The following ABHD2 variants were observed in gnomAD, a reference collection of about 807,000 sequenced individuals.
ABHD2 encodes monoacylglycerol lipase ABHD2.
A neutral mutation model predicts 48.1 loss-of-function variants in ABHD2; 20 were observed. That is an observed-to-expected ratio of 0.42 (90% CI 0.29 to 0.60). The LOEUF (loss-of-function observed/expected upper bound fraction) is 0.60. Ranked by LOEUF, ABHD2 falls within the 20% of genes least tolerant of loss-of-function variation. The pLI is 0.24. For synonymous variants in ABHD2, 209 were observed against 214.2 expected, an observed-to-expected ratio of 0.98 and a Z score of 0.21; for missense variants, 405 against 550.9, an observed-to-expected ratio of 0.74 and a Z score of 2.65.
the ABHD2 span, among the ~76,000 whole-genome samples, chr15:89,070,353 G>C: frequency 6.6e-6 from 1 of 152,192 alleles, no homozygotes; most frequent in Non-Finnish European, 1.5e-5. Flanking sequence ...CACTCCTAGA[G>C]GGGCAACAGA....
At position 89,182,357 on chromosome 15, in the gene ABHD2, C is replaced by T. The variant is rs933250238; in HGVS notation, c.723-3067C>T. Among the ~76,000 whole-genome samples the T allele has an allele frequency of 6.6e-6, 1 of 152,196 alleles. No individual in the cohort carries two copies. Among genetic ancestry groups the T allele is most frequent in the Non-Finnish European group, 1.5e-5 (1 of 68,032 alleles). ...GTAATTCTGCCCGAGCTGCCCCTCC[C>T]AGGGTTCCACACTTCTCTCCTGTGT... On this transcript the variant is annotated intron_variant, in intron 6 of 10. Transcript: ENST00000352732. The surrounding 1 kb of genome is among the most constrained non-coding windows in gnomAD (Gnocchi z 4.8).
chr15:89,115,938 T>A (rs2049952948), intron 2 of ABHD2, among the ~76,000 whole-genome samples: 1 of 152,144 alleles, frequency 6.6e-6, no homozygotes, highest in Non-Finnish European at 1.5e-5. Context: ...AAGGATGACC[T>A]GTTAACAAAA....
rs1034396541 is a variant in ABHD2 at position 89,168,806 on chromosome 15, T to G, written c.539-7006T>G. 5.9e-5 allele frequency among the ~76,000 whole-genome samples: 9 copies of G among 152,288 alleles called. No individual in the cohort carries two copies. The highest frequency in any genetic ancestry group is 1.3e-4 in the Non-Finnish European group (9 of 68,030). On this transcript the variant is annotated intron_variant, in intron 5 of 10. Coordinates refer to ENST00000352732, the MANE Select transcript of ABHD2 (RefSeq NM_152924.5). This position sits in a 1 kb window ranked among gnomAD's most constrained non-coding sequence, Gnocchi z 4.8. ...AGGAATCAAAGCTGGGTGCAGTGGC[T>G]CACACCTGTAATCTCAGCACTTTGG... is the stretch of plus-strand genomic sequence containing the variant.
the ABHD2 span, among the ~76,000 whole-genome samples, chr15:89,077,264 A>G: frequency 6.6e-6 from 1 of 152,192 alleles, no homozygotes; most frequent in Admixed American, 6.5e-5. Flanking sequence ...TTCTTGGATG[A>G]CTGGCTTCTT....
At chr15:89,062,352 GT>G in the ABHD2 span, among the ~76,000 whole-genome samples, 1 of 151,612 alleles carries the variant, frequency 6.6e-6, no homozygotes, top group Non-Finnish European at 1.5e-5. Context: ...ATTTTCGTTT[GT>G]TTTTGTGTGG....
At position 89,137,325 on chromosome 15, in the gene ABHD2, G is replaced by A. The variant is rs549901765; in HGVS notation, c.195-14352G>A. 1.9e-4 allele frequency among the ~76,000 whole-genome samples: 29 copies of A among 152,306 alleles called. No homozygotes were observed. In the South Asian group the frequency reaches 5.8e-3, roughly 30 times the overall value. On this transcript the variant is annotated intron_variant, in intron 3 of 10. Transcript: ENST00000352732. This position sits in a 1 kb window ranked among gnomAD's most constrained non-coding sequence, Gnocchi z 4.8. ...TGGGATCAGATGCATTTAACATGTG[G>A]ATACAGTTCTGAGGGGTTTTAACTG...
chr15:89,151,915 A>G lies in ABHD2; in HGVS notation c.370+63A>G. On this transcript the variant is annotated intron_variant, in intron 4 of 10. Coordinates refer to ENST00000352732, the MANE Select transcript of ABHD2 (RefSeq NM_152924.5). This position sits in a 1 kb window ranked among gnomAD's most constrained non-coding sequence, Gnocchi z 4.7. Reference sequence around the variant, plus strand: ...AGAGAAGGAGCACTAGTCAGTGGAGAGCACAGCAGTGTGAATACTTGTGCC... The same window carrying G: ...AGAGAAGGAGCACTAGTCAGTGGAGGGCACAGCAGTGTGAATACTTGTGCC... The G allele has an allele frequency of 1.3e-6, 2 of 1,564,206 alleles. No individual in the cohort carries two copies. Among genetic ancestry groups the G allele is most frequent in the Non-Finnish European group, 1.7e-6 (2 of 1,152,016 alleles).
chr15:89,135,464 G>T (rs2050292741), intron 3 of ABHD2: 1 of 743,188 alleles, frequency 1.3e-6, no homozygotes, highest in East Asian at 2.5e-5. Context: ...TTACATTTCA[G>T]TTTTTTTCTT....
chr15:89,108,134 T>C (rs1050823531), intron 1 of ABHD2, among the ~76,000 whole-genome samples: 1 of 152,208 alleles, frequency 6.6e-6, no homozygotes, highest in Non-Finnish European at 1.5e-5. Flanking sequence ...CTTCAGCCAC[T>C]AAGGACAGGA....
chr15:89,047,785 G>C, the ABHD2 span, among the ~76,000 whole-genome samples: 1 of 147,520 alleles, frequency 6.8e-6, no homozygotes, highest in East Asian at 1.9e-4. Flanking sequence ...TTGAGCCTAT[G>C]TGTGTCTCTG....
At chr15:89,193,553 C>A in intron 10 of ABHD2, 1 of 558,896 alleles carries the variant, frequency 1.8e-6, no homozygotes, top group Non-Finnish European at 3.2e-6. Context: ...CCATGTATAT[C>A]CATAGCCAGT....
At chr15:89,101,982 C>A (rs1030876528) in intron 1 of ABHD2, among the ~76,000 whole-genome samples, 3 of 152,184 alleles carry the variant, frequency 2.0e-5, no homozygotes, top group African/African-American at 4.8e-5. Flanking sequence ...TGCGCACAGC[C>A]AAGGCAGCAC....
intron 3 of ABHD2, among the ~76,000 whole-genome samples, chr15:89,141,814 A>G (rs1315990030): frequency 1.3e-5 from 2 of 152,244 alleles, no homozygotes; most frequent in Non-Finnish European, 2.9e-5. Context: ...GATTTCTATC[A>G]GGAATATCTA....
Position 89,137,141 on chromosome 15 carries a change from G to A in ABHD2, c.195-14536G>A, listed in dbSNP as rs1020769185. Among the ~76,000 whole-genome samples, 3 of 152,116 alleles carry A rather than the reference G, an allele frequency of 2.0e-5. No individual in the cohort carries two copies. Among genetic ancestry groups the A allele is most frequent in the Non-Finnish European group, 4.4e-5 (3 of 68,020 alleles). On this transcript the variant is annotated intron_variant, in intron 3 of 10. Transcript: ENST00000352732. The surrounding 1 kb of genome is among the most constrained non-coding windows in gnomAD (Gnocchi z 4.8). ...GGATCCAGGGTTCCAGTGGAACCCTGGAGACTGGAACTCTGGAGCTTCTTA... is the reference window on the plus strand; with the variant it reads ...GGATCCAGGGTTCCAGTGGAACCCTAGAGACTGGAACTCTGGAGCTTCTTA...
At chr15:89,070,487 G>A in the ABHD2 span, among the ~76,000 whole-genome samples, 26,201 of 152,118 alleles carry the variant, frequency 0.17, 2,435 homozygotes, top group Middle Eastern at 0.22. Context: ...GGGTCTGGAT[G>A]TGGTTTCCTC....
At position 89,164,732 on chromosome 15, in the gene ABHD2, A is replaced by G. The variant is rs895399071; in HGVS notation, c.538+9198A>G. 1.6e-4 allele frequency among the ~76,000 whole-genome samples: 25 copies of G among 152,096 alleles called. No individual in the cohort carries two copies. Among genetic ancestry groups the G allele is most frequent in the Non-Finnish European group, 3.7e-4 (25 of 67,992 alleles). ...CCCAGGAGTGCAGTGAGCCAAGATTACGCCACTGCACTCCAGCCTAGACGA... is the reference window on the plus strand; with the variant it reads ...CCCAGGAGTGCAGTGAGCCAAGATTGCGCCACTGCACTCCAGCCTAGACGA... On this transcript the variant is annotated intron_variant, in intron 5 of 10. Transcript: ENST00000352732. This position sits in a 1 kb window ranked among gnomAD's most constrained non-coding sequence, Gnocchi z 5.0.
chr15:89,088,013 A>G (rs989109886), upstream of ABHD2: 3 of 152,290 alleles, frequency 2.0e-5, no homozygotes, highest in East Asian at 5.8e-4. The surrounding 1 kb of genome is among the most constrained non-coding windows in gnomAD (Gnocchi z 6.8). Context: ...AGCTACCAGC[A>G]GCTGAGCTAC....
At position 89,116,109 on chromosome 15, in the gene ABHD2, C is replaced by G. The variant is rs1227286416; in HGVS notation, c.-6-213C>G. Among the ~76,000 whole-genome samples the G allele has an allele frequency of 6.6e-6, 1 of 152,202 alleles. No individual in the cohort carries two copies. The highest frequency in any genetic ancestry group is 1.9e-4 in the East Asian group (1 of 5,198). On this transcript the variant is annotated intron_variant, in intron 2 of 10. Transcript: ENST00000352732. The surrounding 1 kb of genome is among the most constrained non-coding windows in gnomAD (Gnocchi z 4.6). ...AAGAAAACACAGTACCCAGTTTATC[C>G]ATGCTCAGACTGTTTGTGATTTGGA...
upstream of ABHD2, among the ~76,000 whole-genome samples, chr15:89,086,161 G>A (rs1407008167): frequency 6.6e-6 from 1 of 151,904 alleles, no homozygotes; most frequent in Non-Finnish European, 1.5e-5. Flanking sequence ...CTGAGTAGCT[G>A]GGATTACAGG....
Sources: gnomAD v4.1 joint callset for allele counts (sites outside exome capture counted in the v4.1 genomes callset) on GRCh38, gnomAD v4.1.1 for gene constraint, Gnocchi (gnomAD v3.1) non-coding constraint, MANE v1.5 for transcripts, NCBI Gene and HGNC (gene_info 2026-07-23, HGNC 2026-07-21) for gene names.